The following FNBP4 variants were observed in gnomAD, a reference collection of about 807,000 sequenced individuals.
FNBP4 encodes formin-binding protein 4.
FNBP4 carries 34 observed loss-of-function variants against 119.3 expected under a neutral mutation model. That is an observed-to-expected ratio of 0.28 (90% CI 0.22 to 0.38). The LOEUF is 0.38. FNBP4 is among the 10% of genes least tolerant of loss of function. FNBP4 has a pLI of 1.00. For synonymous variants in FNBP4, 462 were observed against 430.6 expected (o/e 1.07, Z -0.90); for missense variants, 1,112 against 1,228.9 (o/e 0.90, Z 1.42).
At chr11:47,742,139 G>A (rs989308823) in intron 8 of FNBP4, among the ~76,000 whole-genome samples, 4 of 151,954 alleles carry the variant, frequency 2.6e-5, no homozygotes, top group African/African-American at 4.8e-5. Flanking sequence ...AACTGTAAAC[G>A]TATATAAAGA....
intron 12 of FNBP4, chr11:47,731,150 C>G: frequency 2.4e-6 from 1 of 416,534 alleles, no homozygotes; most frequent in South Asian, 7.9e-5. Context: ...AAATCAAAAT[C>G]TGTTAGCCTA....
intron 2 of FNBP4, among the ~76,000 whole-genome samples, chr11:47,757,024 A>C (rs186421962): frequency 2.6e-4 from 39 of 152,292 alleles, no homozygotes; most frequent in African/African-American, 8.4e-4. Context: ...ATGTGTCTTT[A>C]TAGCAGCATG....
At chr11:47,742,351 C>T (rs367867013) in intron 8 of FNBP4, among the ~76,000 whole-genome samples, 18 of 150,968 alleles carry the variant, frequency 1.2e-4, no homozygotes, top group Middle Eastern at 3.5e-3. Context: ...TGGTAGCAGG[C>T]GCCTGTAATC....
intron 8 of FNBP4, among the ~76,000 whole-genome samples, chr11:47,743,254 G>A (rs567330762): frequency 1.3e-5 from 2 of 152,228 alleles, no homozygotes; most frequent in South Asian, 2.1e-4. Flanking sequence ...TTTGGGAGGC[G>A]GGCGGATCAA....
In FNBP4 at chr11:47,732,425, C is replaced by T. The variant is rs534469468; in HGVS notation, c.1820+112G>A. The T allele has an allele frequency of 4.5e-6, 7 of 1,558,472 alleles. No homozygotes were observed. Among genetic ancestry groups the T allele is most frequent in the African/African-American group, 4.1e-5 (3 of 73,542 alleles). ...TGCTTTGCCTGCCCAGCACCGCTAACTGCAGCTGCTCTCAGTCTCCAGACA... is the reference window on the plus strand; with the variant it reads ...TGCTTTGCCTGCCCAGCACCGCTAATTGCAGCTGCTCTCAGTCTCCAGACA... On this transcript the variant is annotated intron_variant, in intron 11 of 16. Transcript: ENST00000263773. The surrounding 1 kb of genome is among the most constrained non-coding windows in gnomAD (Gnocchi z 4.2).
intron 2 of FNBP4, among the ~76,000 whole-genome samples, chr11:47,763,615 C>T (rs1311595148): frequency 6.6e-6 from 1 of 151,894 alleles, no homozygotes; most frequent in Non-Finnish European, 1.5e-5. Flanking sequence ...ATTCTCCTGC[C>T]TCAGCCTCCC....
rs765584655 is a variant in FNBP4 at position 47,767,262 on chromosome 11, G to A, written c.27C>T (p.Pro9=). 1.5e-5 allele frequency: 24 copies of A among 1,553,406 alleles called. No individual in the cohort carries two copies. Among genetic ancestry groups the A allele is most frequent in the East Asian group, 2.4e-5 (1 of 41,826 alleles). MGKKSRAV[P]GRRPILQLSP... ...AGAGTTGCAGGATGGGCCTACGGCC[G>A]GGTACCGCCCGGGACTTCTTCCCCA... Residue 9 remains proline (P), a synonymous_variant, in exon 1 of 17, where the codon CCC becomes CCT. Coordinates refer to ENST00000263773, the MANE Select transcript of FNBP4 (RefSeq NM_015308.5).
At chr11:47,731,731 G>A (rs1261150234) in intron 11 of FNBP4, 170 bp from the exon 12 acceptor site, 4 of 1,373,238 alleles carry the variant, frequency 2.9e-6, no homozygotes, top group African/African-American at 1.5e-5. Flanking sequence ...GGAGAACCAA[G>A]GATAATTCAA....
chr11:47,718,945 G>A (rs1033927062), intron 16 of FNBP4, among the ~76,000 whole-genome samples: 9 of 135,734 alleles, frequency 6.6e-5, no homozygotes, highest in South Asian at 2.2e-4. Context: ...TTGCTCTGTC[G>A]TCCAGGCTGG....
chr11:47,750,907 G>A lies in FNBP4; in HGVS notation c.906+9C>T, dbSNP rs1480509102. 6 of 1,613,084 alleles carry A rather than the reference G, an allele frequency of 3.7e-6. No homozygotes were observed. The highest frequency in any genetic ancestry group is 2.7e-5 in the African/African-American group (2 of 74,908). On this transcript the variant is annotated intron_variant, in intron 6 of 16. Transcript: ENST00000263773. ...AAAATAAACAAATGAGGTAAGTTTC[G>A]ACACTGACCTTTTTAACTTCTCGCT...
intron 1 of FNBP4, among the ~76,000 whole-genome samples, chr11:47,766,194 G>C (rs1166436122): frequency 1.3e-5 from 2 of 151,900 alleles, no homozygotes; most frequent in Non-Finnish European, 2.9e-5. Context: ...GGGTCCTGTA[G>C]TCCCAGCTAC....
At chr11:47,724,239 T>C in intron 13 of FNBP4, 67 bp from the exon 14 acceptor site, 1 of 1,564,296 alleles carries the variant, frequency 6.4e-7, no homozygotes, top group Non-Finnish European at 8.7e-7. Context: ...TCCCACCTCC[T>C]TTTTTTGAGA....
At chr11:47,766,969 C>G in intron 1 of FNBP4, 100 bp downstream of exon 1, 2 of 1,401,376 alleles carry the variant, frequency 1.4e-6, no homozygotes, top group South Asian at 3.1e-5. Flanking sequence ...GCCTCGGAAG[C>G]CGACCTCGCC....
chr11:47,738,836 A>G (rs1240724236), intron 8 of FNBP4, among the ~76,000 whole-genome samples: 1 of 127,936 alleles, frequency 7.8e-6, no homozygotes, highest in Non-Finnish European at 1.7e-5. Context: ...GTTTGCCACC[A>G]TGCCCAGGTA....
At chr11:47,731,880 A>C in intron 11 of FNBP4, 1 of 1,041,720 alleles carries the variant, frequency 9.6e-7, no homozygotes, top group Non-Finnish European at 1.2e-6. Context: ...TAATGAAGGG[A>C]CTCAATCGCC....
At chr11:47,721,522 G>A (rs965868619) in intron 15 of FNBP4, among the ~76,000 whole-genome samples, 2 of 152,004 alleles carry the variant, frequency 1.3e-5, no homozygotes, top group African/African-American at 4.8e-5. Context: ...AGAAGTGCTT[G>A]AACTGGGAGG....
At chr11:47,751,408 A>G (rs530530877) in intron 4 of FNBP4, 118 bp from the exon 5 acceptor site, 2 of 1,217,606 alleles carry the variant, frequency 1.6e-6, no homozygotes, top group Non-Finnish European at 2.3e-6. Flanking sequence ...TTTTGGGCAC[A>G]CAGGTCTTTG....
chr11:47,744,737 T>C (rs2097586962), intron 7 of FNBP4, among the ~76,000 whole-genome samples: 1 of 152,204 alleles, frequency 6.6e-6, no homozygotes, highest in Admixed American at 6.6e-5. Context: ...TTACAAATAA[T>C]CCAACTTCAT....
At chr11:47,762,130 G>T (rs1389012570) in intron 2 of FNBP4, among the ~76,000 whole-genome samples, 2 of 138,964 alleles carry the variant, frequency 1.4e-5, no homozygotes, top group Admixed American at 1.5e-4. Flanking sequence ...GAGGCACAGC[G>T]TCTGGCTGTT....
Sources: allele counts gnomAD v4.1 joint callset (sites outside exome capture counted in the v4.1 genomes callset), GRCh38; gene constraint gnomAD v4.1.1; non-coding constraint Gnocchi (gnomAD v3.1); transcripts MANE v1.5; gene names NCBI Gene and HGNC (gene_info 2026-07-23, HGNC 2026-07-21).